The following USP42 variants were observed in gnomAD, a reference collection of about 807,000 sequenced individuals.
The protein encoded by USP42 is ubiquitin specific peptidase 42.
USP42 carries 23 observed loss-of-function variants against 113.0 expected under a neutral mutation model. The ratio of observed to expected loss-of-function variants is 0.20; its 90% CI spans 0.15 to 0.29. The LOEUF (loss-of-function observed/expected upper bound fraction) is 0.29. Ranked by LOEUF, USP42 falls within the 10% of genes least tolerant of loss-of-function variation. The pLI, the probability that USP42 is intolerant of heterozygous loss-of-function variation, is 1.00. For missense variants in USP42, 2,174 were observed against 1,779.8 expected, an observed-to-expected ratio of 1.22 and a Z score of -3.99; for synonymous variants, 933 against 699.0, an observed-to-expected ratio of 1.33 and a Z score of -5.28.
At position 6,154,924 on chromosome 7, in the gene USP42, G is replaced by A. The variant is rs777580233; in HGVS notation, c.3370G>A (p.Ala1124Thr). The change falls in exon 15 of 18, where the codon GCC becomes ACC. Residue 1124 changes from alanine (A) to threonine (T), a missense_variant. Physicochemically the swap from Ala to Thr is moderately conservative, Grantham distance 58. Transcript: ENST00000306177. ...PSSPRAGAPH[A>T]LAPHPDRFSH... Reference sequence around the variant, plus strand: ...CAGCCCCCGCGCAGGCGCGCCCCACGCCCTCGCCCCGCACCCCGACCGCTT... The same window carrying A: ...CAGCCCCCGCGCAGGCGCGCCCCACACCCTCGCCCCGCACCCCGACCGCTT... The A allele has an allele frequency of 1.9e-6, 3 of 1,549,820 alleles. No homozygotes were observed. Among genetic ancestry groups the A allele is most frequent in the Admixed American group, 2.0e-5 (1 of 50,970 alleles).
intron 15 of USP42, among the ~76,000 whole-genome samples, chr7:6,155,995 G>T (rs775039960): frequency 6.6e-6 from 1 of 152,118 alleles, no homozygotes; most frequent in Non-Finnish European, 1.5e-5. Flanking sequence ...AGACTCAAGC[G>T]ATCCCAAAGC....
In USP42 at chr7:6,154,560, C is replaced by A; in HGVS notation, c.3006C>A (p.His1002Gln). 3 of 1,551,766 alleles carry A rather than the reference C, an allele frequency of 1.9e-6. No homozygotes were observed. The highest frequency in any genetic ancestry group is 1.9e-5 in the Admixed American group (1 of 51,400). ...ACGCCCCGGAGCACCACCCCGGCCA[C>A]GGCGACAGGCTCAGCCCTGGCGAGC... The part of the protein sequence containing the change: ...DRHAPEHHPG[H>Q]GDRLSPGERR... The change falls in exon 15 of 18, where the codon CAC becomes CAA. Residue 1002 changes from histidine (H) to glutamine (Q), a missense_variant. Physicochemically the swap from His to Gln is conservative, Grantham distance 24. Transcript: ENST00000306177.
rs1224849544 is a variant in USP42, at chr7:6,135,937, T to C, written c.539T>C (p.Ile180Thr). Residue 180 changes from isoleucine to threonine, a missense_variant, in exon 4 of 18, where the codon ATC (isoleucine) becomes ACC (threonine). Coordinates refer to ENST00000306177, the MANE Select transcript of USP42 (RefSeq NM_032172.3). ...GACGTTATTAAACCAATGTTTGTCA[T>C]CAATGAGATGCGGCGTAAGTATTAA... ...PGDVIKPMFV[I>T]NEMRRIARHF... 3.1e-6 allele frequency: 5 copies of C among 1,599,790 alleles called. No homozygotes were observed. Among genetic ancestry groups the C allele is most frequent in the Non-Finnish European group, 4.3e-6 (5 of 1,171,040 alleles).
rs2128503770 is a variant in USP42 at position 6,139,395 on chromosome 7, A to G, written c.656+201A>G. ...AATTTACACGTGTGTCTTACGTAACAGTTTGAGTTGGCTCAATCATAGATG... is the reference window on the plus strand; with the variant it reads ...AATTTACACGTGTGTCTTACGTAACGGTTTGAGTTGGCTCAATCATAGATG... On this transcript the variant is annotated intron_variant, in intron 5 of 17. Coordinates refer to ENST00000306177, the MANE Select transcript of USP42 (RefSeq NM_032172.3). This position sits in a 1 kb window ranked among gnomAD's most constrained non-coding sequence, Gnocchi z 4.5. 1 of 456,460 alleles carries G rather than the reference A, an allele frequency of 2.2e-6. No individual in the cohort carries two copies. Among genetic ancestry groups the G allele is most frequent in the East Asian group, 3.7e-5 (1 of 27,338 alleles). The allele number at this position is 456,460 out of a possible 1,614,324, so 28.3% of individuals were successfully genotyped here. A position where few individuals can be genotyped will look rare whatever the true frequency, so the allele number is the denominator to read the frequency against.
chr7:6,137,127 C>G (rs889919157), intron 4 of USP42, among the ~76,000 whole-genome samples: 5 of 152,142 alleles, frequency 3.3e-5, no homozygotes, highest in Non-Finnish European at 4.4e-5. Flanking sequence ...ACAAACAAAA[C>G]TATAACTCTT....
intron 3 of USP42, among the ~76,000 whole-genome samples, chr7:6,119,531 T>A (rs1780096893): frequency 6.6e-6 from 1 of 152,220 alleles, no homozygotes; most frequent in African/African-American, 2.4e-5. Flanking sequence ...TATTTTCAAA[T>A]GAATTTTAGA....
At chr7:6,152,892 A>G (rs951277579) in intron 14 of USP42, 1 of 983,746 alleles carries the variant, frequency 1.0e-6, no homozygotes, top group Non-Finnish European at 1.2e-6. Flanking sequence ...GTCCAAGAGA[A>G]ATCAGAGAAA....
rs764146440 is a variant in USP42 at position 6,156,840 on chromosome 7, A to C, written c.3728A>C (p.His1243Pro). Residue 1243 changes from histidine to proline, a missense_variant, in exon 16 of 18, where the codon CAT becomes CCT. Transcript: ENST00000306177. ...HKKKKKKKKRHSRKSEDFVKD... is the reference protein window; with the variant it reads ...HKKKKKKKKRPSRKSEDFVKD... ...AAAAAGAAGAAGAAAAAGAAGAGAC[A>C]TTCAAGAAAATCAGAGGACTTTGTT... 6.2e-7 allele frequency: 1 copy of C among 1,609,514 alleles called. No individual in the cohort carries two copies. The highest frequency in any genetic ancestry group is 1.3e-5 in the African/African-American group (1 of 74,346).
At chr7:6,098,698 C>A in the USP42 span, among the ~76,000 whole-genome samples, 2 of 150,126 alleles carry the variant, frequency 1.3e-5, no homozygotes, top group African/African-American at 2.5e-5. Context: ...ATGTGCACCA[C>A]CACACCTGGC....
At chr7:6,141,865 C>T (rs1194638830) in intron 7 of USP42, among the ~76,000 whole-genome samples, 1 of 152,138 alleles carries the variant, frequency 6.6e-6, no homozygotes, top group African/African-American at 2.4e-5. Flanking sequence ...TTATTTTTAA[C>T]AGTTTGATAT....
chr7:6,105,439 C>T (rs1253593238), intron 1 of USP42, among the ~76,000 whole-genome samples: 2 of 149,672 alleles, frequency 1.3e-5, no homozygotes, highest in African/African-American at 2.4e-5. Flanking sequence ...GTGCTGGCCG[C>T]TGACCGCGGA....
Position 6,154,373 on chromosome 7 carries a change from A to C in USP42, c.2819A>C (p.Glu940Ala). The change falls in exon 15 of 18, where the codon GAG becomes GCG. Residue 940 changes from glutamate (E) to alanine (A), a missense_variant. Physicochemically the swap from Glu to Ala is moderately radical, Grantham distance 107 (BLOSUM62 -1). Transcript: ENST00000306177. ...GCCCCAGGCCCTTCCCCAGCGAAGG[A>C]GAAAATCGGCAGCCTCAGAAAGGTG... is the stretch of plus-strand genomic sequence containing the variant. ...PKAPGPSPAKEKIGSLRKVDR... is the reference protein window; with the variant it reads ...PKAPGPSPAKAKIGSLRKVDR... 1 of 1,576,522 alleles carries C rather than the reference A, an allele frequency of 6.3e-7. No individual in the cohort carries two copies. The highest frequency in any genetic ancestry group is 8.6e-7 in the Non-Finnish European group (1 of 1,162,800).
At chr7:6,118,054 A>G (rs1024572048) in intron 3 of USP42, among the ~76,000 whole-genome samples, 1 of 151,906 alleles carries the variant, frequency 6.6e-6, no homozygotes, top group African/African-American at 2.4e-5. Flanking sequence ...TGTTTTGGGA[A>G]ATTTCATTTC....
At position 6,157,251 on chromosome 7, in the gene USP42, G is replaced by T; in HGVS notation, c.3943+196G>T. Reference sequence around the variant, plus strand: ...GTTCCGTTGCACAGTTAAGCCCTTAGCGTTTATTGAAGGCCTAAGTGACAC... The same window carrying T: ...GTTCCGTTGCACAGTTAAGCCCTTATCGTTTATTGAAGGCCTAAGTGACAC... On this transcript the variant is annotated intron_variant, in intron 16 of 17. Coordinates refer to ENST00000306177, the MANE Select transcript of USP42 (RefSeq NM_032172.3). This position sits in a 1 kb window ranked among gnomAD's most constrained non-coding sequence, Gnocchi z 4.1. The T allele has an allele frequency of 2.2e-6, 3 of 1,347,734 alleles. No homozygotes were observed. In the South Asian group the frequency reaches 5.8e-5, roughly 26 times the overall value. The allele number at this position is 1,347,734 out of a possible 1,614,324, so 83.5% of individuals were successfully genotyped here.
the USP42 span, among the ~76,000 whole-genome samples, chr7:6,093,695 T>C: frequency 1.6e-4 from 23 of 146,406 alleles, 1 homozygote; most frequent in Middle Eastern, 0.014. Context: ...CCTCTTTCTC[T>C]CCCCCTCCCT....
Position 6,145,659 on chromosome 7 carries a change from A to G in USP42, c.1131+3A>G, listed in dbSNP as rs1781675763. 3 of 1,612,884 alleles carry G rather than the reference A, an allele frequency of 1.9e-6. No individual in the cohort carries two copies. Among genetic ancestry groups the G allele is most frequent in the Non-Finnish European group, 2.5e-6 (3 of 1,179,326 alleles). On this transcript the variant is annotated splice_donor_region_variant and intron_variant, in intron 10 of 17. Coordinates refer to ENST00000306177, the MANE Select transcript of USP42 (RefSeq NM_032172.3). ...GCCATTACTTCTGCTACATAAAAGT[A>G]AGCTGTGCAGATTTGCTATTAACTA... is the stretch of plus-strand genomic sequence containing the variant.
At chr7:6,145,201 C>T (rs751052141) in intron 9 of USP42, among the ~76,000 whole-genome samples, 4 of 150,710 alleles carry the variant, frequency 2.7e-5, no homozygotes, top group East Asian at 2.0e-4. Context: ...GGCGTGGTGG[C>T]GCACCTGTAA....
intron 3 of USP42, among the ~76,000 whole-genome samples, chr7:6,120,640 G>A (rs181669032): frequency 6.6e-6 from 1 of 152,360 alleles, no homozygotes; most frequent in African/African-American, 2.4e-5. Context: ...CTGGAGTGCA[G>A]TGGCACAATC....
chr7:6,137,855 A>AT (rs1477377073), intron 4 of USP42, among the ~76,000 whole-genome samples: 4 of 151,286 alleles, frequency 2.6e-5, no homozygotes. Flanking sequence ...TAATTTTTGT[A>AT]TTTTTAGTAG....
Sources: gnomAD v4.1 joint callset for allele counts (sites outside exome capture counted in the v4.1 genomes callset) on GRCh38, gnomAD v4.1.1 for gene constraint, Gnocchi (gnomAD v3.1) non-coding constraint, MANE v1.5 for transcripts, NCBI Gene and HGNC (gene_info 2026-07-23, HGNC 2026-07-21) for gene names.